The following NR6A1 variants were observed in gnomAD, a reference collection of about 807,000 sequenced individuals.
NR6A1 encodes the protein nuclear receptor subfamily 6 group A member 1.
Under a neutral mutation model 59.1 loss-of-function variants are expected in NR6A1, and 7 were observed. The ratio of observed to expected loss-of-function variants is 0.12; its 90% confidence interval spans 0.07 to 0.22. NR6A1 has a LOEUF of 0.22. Ranked by LOEUF, NR6A1 falls within the 10% of genes least tolerant of loss-of-function variation. NR6A1 has a pLI of 1.00. For synonymous variants in NR6A1, 243 were observed against 236.1 expected (o/e 1.03, Z -0.27); for missense variants, 468 against 611.6 (o/e 0.77, Z 2.48).
chr9:124,764,547 C>T (rs146506001), intron 1 of NR6A1, among the ~76,000 whole-genome samples: 9 of 152,248 alleles, frequency 5.9e-5, no homozygotes, highest in African/African-American at 1.9e-4. Context: ...GGAAGATTAT[C>T]CATCTTTTTC....
chr9:124,527,936 T>C (rs983929639), intron 7 of NR6A1, among the ~76,000 whole-genome samples: 1 of 152,228 alleles, frequency 6.6e-6, no homozygotes, highest in African/African-American at 2.4e-5. Context: ...AAGTCTGGCC[T>C]GAGTCATTCT....
intron 2 of NR6A1, among the ~76,000 whole-genome samples, chr9:124,642,281 C>A (rs1244595989): frequency 6.6e-6 from 1 of 152,186 alleles, no homozygotes; most frequent in Non-Finnish European, 1.5e-5. Flanking sequence ...AACTCCTGAC[C>A]TCGGGTGATC....
intron 2 of NR6A1, among the ~76,000 whole-genome samples, chr9:124,667,039 C>CTT (rs544057837): frequency 2.1e-5 from 3 of 144,350 alleles, no homozygotes; most frequent in African/African-American, 2.5e-5. Flanking sequence ...ATCCACCCTA[C>CTT]TTTTTTTTTT....
intron 2 of NR6A1, among the ~76,000 whole-genome samples, chr9:124,626,204 C>T (rs1434094418): frequency 1.3e-5 from 2 of 152,314 alleles, no homozygotes; most frequent in African/African-American, 2.4e-5. Context: ...CAGGGTTTCA[C>T]CATGCTGGCC....
At position 124,520,745 on chromosome 9, in the gene NR6A1, G is replaced by A. The variant is rs1832783020; in HGVS notation, c.*1960C>T. 6.6e-6 allele frequency: 1 copy of A among 152,184 alleles called. No individual in the cohort carries two copies. Among genetic ancestry groups the A allele is most frequent in the Admixed American group, 6.5e-5 (1 of 15,278 alleles). The allele number at this position is 152,184 out of a possible 1,614,324, so 9.4% of individuals were successfully genotyped here. A position where few individuals can be genotyped will look rare whatever the true frequency, so the allele number is the denominator to read the frequency against. ...GATCTAGTTGGTTAAATAAAATTCAGGGGAACAAGTATCGTGAACTTAGAA... is the reference window on the plus strand; with the variant it reads ...GATCTAGTTGGTTAAATAAAATTCAAGGGAACAAGTATCGTGAACTTAGAA... On this transcript the variant is annotated 3_prime_UTR_variant, in exon 10 of 10. Coordinates refer to ENST00000487099, the MANE Select transcript of NR6A1 (RefSeq NM_033334.4).
rs10639098 is a variant in NR6A1, at chr9:124,519,901, C to CAAAAAAAA, written c.*2796_*2803dup. The CAAAAAAAA allele has an allele frequency of 4.1e-3, 97 of 23,900 alleles. 10 individuals carry two copies. The highest frequency in any genetic ancestry group is 0.012 in the African/African-American group (93 of 7,648). 1.5% of individuals were successfully genotyped at this position (23,900 alleles called of 1,614,324 possible). On this transcript the variant is annotated 3_prime_UTR_variant, in exon 10 of 10. Coordinates refer to ENST00000487099, the MANE Select transcript of NR6A1 (RefSeq NM_033334.4). ...TGAGCGACAGAGCGAGACTCCGCCTCAAAAAAAAAAAAAAAAAAAAAAAAA... is the reference window on the plus strand; with the variant it reads ...TGAGCGACAGAGCGAGACTCCGCCTCAAAAAAAAAAAAAAAAAAAAAAAAAAAAAAAAA...
At chr9:124,592,049 G>C (rs1349934872) in intron 2 of NR6A1, among the ~76,000 whole-genome samples, 1 of 152,168 alleles carries the variant, frequency 6.6e-6, no homozygotes, top group African/African-American at 2.4e-5. Context: ...TGAAAAAATT[G>C]GTGGTCGCGG....
At chr9:124,614,340 T>C (rs1359645093) in intron 2 of NR6A1, among the ~76,000 whole-genome samples, 1 of 152,184 alleles carries the variant, frequency 6.6e-6, no homozygotes, top group African/African-American at 2.4e-5. Flanking sequence ...TGGGGCTCCA[T>C]AGGGCCAAGA....
chr9:124,674,806 G>A (rs1837903784), intron 2 of NR6A1, among the ~76,000 whole-genome samples: 1 of 152,190 alleles, frequency 6.6e-6, no homozygotes, highest in Non-Finnish European at 1.5e-5. Flanking sequence ...CTAAGTAAAT[G>A]TGACCTCATC....
chr9:124,637,909 AAAAG>A (rs1836660973), intron 2 of NR6A1, among the ~76,000 whole-genome samples: 1 of 149,604 alleles, frequency 6.7e-6, no homozygotes, highest in African/African-American at 2.5e-5. Flanking sequence ...AAAAAAAAAA[AAAAG>A]AAAAAAAGGG....
At chr9:124,731,610 A>G (rs926514964) in intron 2 of NR6A1, among the ~76,000 whole-genome samples, 3 of 152,118 alleles carry the variant, frequency 2.0e-5, no homozygotes, top group Non-Finnish European at 2.9e-5. Flanking sequence ...GCCACTCAAG[A>G]GCAAGACCAA....
intron 2 of NR6A1, among the ~76,000 whole-genome samples, chr9:124,568,915 C>T (rs7025408): frequency 0.012 from 1,826 of 151,906 alleles, 88 homozygotes; most frequent in African/African-American, 0.042. Context: ...AGATCGAGAC[C>T]ATCCTGGCTA....
At chr9:124,755,539 G>C (rs1840609931) in intron 1 of NR6A1, among the ~76,000 whole-genome samples, 1 of 152,120 alleles carries the variant, frequency 6.6e-6, no homozygotes, top group African/African-American at 2.4e-5. Context: ...TCACATTTAT[G>C]ATGCTGGAAG....
At chr9:124,568,135 C>A (rs1228068603) in intron 2 of NR6A1, among the ~76,000 whole-genome samples, 33 of 124,040 alleles carry the variant, frequency 2.7e-4, no homozygotes, top group African/African-American at 1.0e-3. Context: ...GATGGCGCCA[C>A]TGCACTCTAG....
intron 2 of NR6A1, among the ~76,000 whole-genome samples, chr9:124,558,772 G>A (rs1291990506): frequency 6.6e-6 from 1 of 151,738 alleles, no homozygotes; most frequent in Non-Finnish European, 1.5e-5. Context: ...GCCACAGCAA[G>A]GTAAATCTAC....
rs111748969 is a variant in NR6A1 at position 124,533,606 on chromosome 9, G to A, written c.1079+2272C>T. Among the ~76,000 whole-genome samples, 708 of 152,186 alleles carry A rather than the reference G, an allele frequency of 4.7e-3. 6 individuals are homozygous for A. Among genetic ancestry groups the A allele is most frequent in the African/African-American group, 0.016 (662 of 41,540 alleles). On this transcript the variant is annotated intron_variant, in intron 7 of 9. Transcript: ENST00000487099. ...GATGGATCCCAGTTCTGTGAAGAAA[G>A]TGTAAGGGCTGCTACTTTCCCCTCT...
At chr9:124,667,622 T>C (rs1344716514) in intron 2 of NR6A1, among the ~76,000 whole-genome samples, 1 of 152,152 alleles carries the variant, frequency 6.6e-6, no homozygotes, top group Non-Finnish European at 1.5e-5. Flanking sequence ...AGAAATTGTA[T>C]AGAAGAAAAA....
chr9:124,651,772 G>C (rs1837111578), intron 2 of NR6A1, among the ~76,000 whole-genome samples: 1 of 152,080 alleles, frequency 6.6e-6, no homozygotes, highest in Admixed American at 6.6e-5. Flanking sequence ...ATTAACACCG[G>C]ACTAGTCTCT....
chr9:124,733,197 C>G, intron 2 of NR6A1, 111 bp downstream of exon 2: 1 of 774,032 alleles, frequency 1.3e-6, no homozygotes, highest in African/African-American at 1.7e-5. Context: ...GAAATAAAAT[C>G]TGAGAGTCAA....
Sources: allele counts gnomAD v4.1 joint callset (sites outside exome capture counted in the v4.1 genomes callset), GRCh38; gene constraint gnomAD v4.1.1; transcripts MANE v1.5; gene names NCBI Gene and HGNC (gene_info 2026-07-23, HGNC 2026-07-21).